The following ABR variants were observed in gnomAD, a reference collection of about 807,000 sequenced individuals.
ABR encodes the protein ABR activator of RhoGEF and GTPase.
ABR carries 35 observed loss-of-function variants against 107.2 expected under a neutral mutation model. The ratio of observed to expected loss-of-function variants is 0.33; its 90% CI spans 0.25 to 0.43. ABR has a LOEUF of 0.43. Ranked by LOEUF, ABR falls within the 20% of genes least tolerant of loss-of-function variation. The probability of loss-of-function intolerance (pLI) is 1.00; values close to 1 mark genes in which losing one functional copy is unlikely to be tolerated. For missense variants in ABR, 815 were observed against 1,115.2 expected, an observed-to-expected ratio of 0.73 and a Z score of 3.83; for synonymous variants, 498 against 462.0, an observed-to-expected ratio of 1.08 and a Z score of -1.00.
intron 2 of ABR, among the ~76,000 whole-genome samples, chr17:1,119,988 G>A (rs1485663026): frequency 6.6e-6 from 1 of 152,172 alleles, no homozygotes; most frequent in African/African-American, 2.4e-5. Context: ...TCCAACTCCT[G>A]GGCTCAAGCG....
rs141106809 is a variant in ABR, at chr17:1,013,108, G to A, written c.1848C>T (p.Asn616=). The change falls in exon 17 of 23, where the codon AAC becomes AAT. Residue 616 remains asparagine (N), a synonymous_variant. Transcript: ENST00000302538. ...KNWHTDVIEM[N]GIKVEFSMKF... ...ATCATTCCCATCCCCGGCTCACCCCGTTCATCTCAATCACGTCCGTGTGCC... is the reference window on the plus strand; with the variant it reads ...ATCATTCCCATCCCCGGCTCACCCCATTCATCTCAATCACGTCCGTGTGCC... The A allele has an allele frequency of 1.4e-4, 227 of 1,614,062 alleles. No individual in the cohort carries two copies. Among genetic ancestry groups the A allele is most frequent in the Admixed American group, 9.5e-4 (57 of 60,016 alleles).
At chr17:1,132,436 T>C (rs986562096) in intron 1 of ABR, among the ~76,000 whole-genome samples, 1 of 150,020 alleles carries the variant, frequency 6.7e-6, no homozygotes, top group Admixed American at 6.7e-5. Flanking sequence ...TGGAATGCAT[T>C]GGCACGATCT....
At chr17:1,054,049 G>C (rs539799074) in intron 14 of ABR, among the ~76,000 whole-genome samples, 1 of 152,192 alleles carries the variant, frequency 6.6e-6, no homozygotes, top group African/African-American at 2.4e-5. Flanking sequence ...TCTGGTGCCG[G>C]AAGACGTGGA....
chr17:1,140,454 C>T (rs2040243293), intron 1 of ABR, among the ~76,000 whole-genome samples: 1 of 152,252 alleles, frequency 6.6e-6, no homozygotes. Flanking sequence ...GAGGCTGCCA[C>T]TTCCCAGGTG....
At chr17:1,192,391 G>C (rs1440517479) in intron 1 of ABR, among the ~76,000 whole-genome samples, 2 of 91,334 alleles carry the variant, frequency 2.2e-5, no homozygotes, top group African/African-American at 5.9e-5. Context: ...AAATCACAGA[G>C]AGGGAAAGAC....
chr17:1,008,948 G>T (rs2070290038), intron 21 of ABR, among the ~76,000 whole-genome samples: 1 of 152,190 alleles, frequency 6.6e-6, no homozygotes, highest in South Asian at 2.1e-4. Flanking sequence ...GAAGTTGAGG[G>T]CTCTAAGGAC....
In ABR at chr17:1,011,000, G is replaced by A; in HGVS notation, c.2102-137C>T. 6 of 1,151,712 alleles carry A rather than the reference G, an allele frequency of 5.2e-6. No individual in the cohort carries two copies. The highest frequency in any genetic ancestry group is 7.4e-6 in the Non-Finnish European group (6 of 809,682). 71.3% of individuals were successfully genotyped at this position (1,151,712 alleles called of 1,614,324 possible). On this transcript the variant is annotated intron_variant, in intron 19 of 22. Transcript: ENST00000302538. The surrounding 1 kb of genome is among the most constrained non-coding windows in gnomAD (Gnocchi z 4.1). ...CCTGGAAGAGCAGGATGTAGAGAGG[G>A]CCCACAGGTGTCTGTGACTCGGCTC...
In ABR at chr17:1,125,230, C is replaced by T. The variant is rs148912251; in HGVS notation, c.199G>A (p.Gly67Arg). 3.2e-5 allele frequency: 52 copies of T among 1,609,920 alleles called. No homozygotes were observed. The highest frequency in any genetic ancestry group is 1.7e-4 in the Admixed American group (10 of 59,668). ...SPQLSARSQG[G>R]GDGVSPTPPE... is the part of the protein sequence containing the mutation. ...GGAGTCGGGGAGACGCCATCCCCCC[C>T]GCCCTGGCTGCGGGCGCTGAGCTGC... Residue 67 changes from glycine to arginine, a missense_variant, in exon 2 of 23, where the codon GGG (glycine) becomes AGG (arginine). Transcript: ENST00000302538.
upstream of ABR, among the ~76,000 whole-genome samples, chr17:1,182,754 G>A (rs1337762103): frequency 6.6e-6 from 1 of 152,134 alleles, no homozygotes; most frequent in African/African-American, 2.4e-5. Context: ...AAATCTCTGC[G>A]GGTCCATGGG....
upstream of ABR, among the ~76,000 whole-genome samples, chr17:1,181,068 G>A (rs2042119028): frequency 6.6e-6 from 1 of 152,194 alleles, no homozygotes; most frequent in African/African-American, 2.4e-5. Flanking sequence ...GCAGCTTAAG[G>A]GGAAAACTTC....
chr17:1,080,228 C>T (rs939288011), intron 5 of ABR, among the ~76,000 whole-genome samples: 5 of 152,080 alleles, frequency 3.3e-5, no homozygotes, highest in African/African-American at 9.7e-5. Context: ...GCCCCCAGCA[C>T]CCCCGACACT....
At position 1,049,512 on chromosome 17, in the gene ABR, G is replaced by A. The variant is rs114185920; in HGVS notation, c.1791+538C>T. On this transcript the variant is annotated intron_variant, in intron 16 of 22. Coordinates refer to ENST00000302538, the MANE Select transcript of ABR (RefSeq NM_021962.5). ...GGTGCAGCCTCTACTAACACCCAGAGTCCCCACCCGAAGCCACAGACTCCC... is the reference window on the plus strand; with the variant it reads ...GGTGCAGCCTCTACTAACACCCAGAATCCCCACCCGAAGCCACAGACTCCC... Among the ~76,000 whole-genome samples the A allele has an allele frequency of 5.5e-3, 835 of 152,162 alleles. 6 individuals are homozygous for A. The highest frequency in any genetic ancestry group is 0.019 in the African/African-American group (800 of 41,504).
chr17:1,134,441 A>G (rs2039973735), intron 1 of ABR, among the ~76,000 whole-genome samples: 1 of 151,438 alleles, frequency 6.6e-6, no homozygotes, highest in Non-Finnish European at 1.5e-5. Context: ...AATTAAATTA[A>G]ATTAAATAAA....
chr17:1,125,064 A>T (rs1037872082), intron 2 of ABR, 119 bp downstream of exon 2: 1 of 1,037,954 alleles, frequency 9.6e-7, no homozygotes, highest in African/African-American at 1.6e-5. Flanking sequence ...AAGAACGGCC[A>T]GGTCCAAACG....
intron 1 of ABR, among the ~76,000 whole-genome samples, chr17:1,159,412 C>T (rs112798046): frequency 1.2e-5 from 1 of 83,414 alleles, no homozygotes; most frequent in African/African-American, 4.8e-5. Context: ...AGTAGGAATG[C>T]GGTACTCACA....
intron 18 of ABR, chr17:1,012,454 T>C (rs1233971240): frequency 8.6e-6 from 6 of 693,886 alleles, no homozygotes; most frequent in South Asian, 7.5e-5. Context: ...GAGCAGACGA[T>C]CTGGGATCTC....
At chr17:1,012,920 T>G (rs1198497795) in intron 17 of ABR, 123 bp from the exon 18 acceptor site, 4 of 1,071,820 alleles carry the variant, frequency 3.7e-6, no homozygotes, top group African/African-American at 1.6e-5. Flanking sequence ...CAGGTCTCCC[T>G]CAACACAACA....
chr17:1,195,006 C>T (rs1290238557), intron 1 of ABR, among the ~76,000 whole-genome samples: 1 of 148,890 alleles, frequency 6.7e-6, no homozygotes, highest in East Asian at 2.2e-4. Flanking sequence ...GCCCAGGCTG[C>T]TCTTGAAGTC....
At chr17:1,169,662 T>A (rs2041636173) in intron 1 of ABR, among the ~76,000 whole-genome samples, 1 of 152,124 alleles carries the variant, frequency 6.6e-6, no homozygotes, top group Non-Finnish European at 1.5e-5. Flanking sequence ...TGCCCCGTCA[T>A]TAACATGCTG....
Sources: gnomAD v4.1 joint callset for allele counts (sites outside exome capture counted in the v4.1 genomes callset) on GRCh38, gnomAD v4.1.1 for gene constraint, Gnocchi (gnomAD v3.1) non-coding constraint, MANE v1.5 for transcripts, NCBI Gene and HGNC (gene_info 2026-07-23, HGNC 2026-07-21) for gene names.